Variants in NTM observed in about 807,000 individuals in gnomAD.
NTM encodes IgLON family member 2.
NTM carries 13 observed loss-of-function variants against 42.1 expected under a neutral mutation model. That is an observed-to-expected ratio of 0.31 (90% CI 0.20 to 0.49). The LOEUF (loss-of-function observed/expected upper bound fraction) is 0.49, where lower values mean the gene tolerates loss of function less well. NTM is among the 20% of genes least tolerant of loss of function. The pLI is 0.99. For synonymous variants in NTM, 187 were observed against 179.2 expected, an observed-to-expected ratio of 1.04 and a Z score of -0.35; for missense variants, 373 against 452.8, an observed-to-expected ratio of 0.82 and a Z score of 1.60.
At chr11:131,978,543 G>C (rs1304873531) in intron 2 of NTM, among the ~76,000 whole-genome samples, 1 of 152,046 alleles carries the variant, frequency 6.6e-6, no homozygotes, top group African/African-American at 2.4e-5. Context: ...TCCTATGACT[G>C]TTCCCGAGGC....
At chr11:131,671,227 G>C (rs1592466240) in intron 1 of NTM, among the ~76,000 whole-genome samples, 1 of 152,122 alleles carries the variant, frequency 6.6e-6, no homozygotes, top group South Asian at 2.1e-4. Flanking sequence ...TGCCAGGAGG[G>C]AGCCATTCCT....
At chr11:132,277,813 A>G (rs904263312) in intron 4 of NTM, among the ~76,000 whole-genome samples, 1 of 150,866 alleles carries the variant, frequency 6.6e-6, no homozygotes, top group Non-Finnish European at 1.5e-5. Context: ...TGCTATTTCT[A>G]TCATGCTAAA....
chr11:131,974,325 C>G (rs2063996695), intron 2 of NTM, among the ~76,000 whole-genome samples: 1 of 152,168 alleles, frequency 6.6e-6, no homozygotes, highest in African/African-American at 2.4e-5. Flanking sequence ...AAAATTGTGT[C>G]TGTGATAACT....
intron 2 of NTM, among the ~76,000 whole-genome samples, chr11:132,100,985 T>C (rs4288763): frequency 0.71 from 107,784 of 152,156 alleles, 38,931 homozygotes; most frequent in African/African-American, 0.78. Flanking sequence ...TAGCACTGAA[T>C]GCTCATTTGT....
chr11:131,618,686 G>A (rs978332571), intron 1 of NTM, among the ~76,000 whole-genome samples: 2 of 152,180 alleles, frequency 1.3e-5, no homozygotes, highest in Non-Finnish European at 2.9e-5. Context: ...AGTTACACAC[G>A]TTCTATAATT....
At chr11:131,959,841 C>T (rs1441257296) in intron 2 of NTM, among the ~76,000 whole-genome samples, 1 of 152,120 alleles carries the variant, frequency 6.6e-6, no homozygotes, top group African/African-American at 2.4e-5. Flanking sequence ...CCAGACCTAA[C>T]CAGATGAAGA....
chr11:132,005,488 T>A (rs1463889819), intron 2 of NTM, among the ~76,000 whole-genome samples: 1 of 152,138 alleles, frequency 6.6e-6, no homozygotes, highest in East Asian at 1.9e-4. Flanking sequence ...TGGTTTGGAA[T>A]AAATGATTGA....
At chr11:131,655,924 A>T (rs963249365) in intron 1 of NTM, among the ~76,000 whole-genome samples, 1 of 152,198 alleles carries the variant, frequency 6.6e-6, no homozygotes, top group African/African-American at 2.4e-5. Context: ...CACCTGCCCT[A>T]TCCCACCATT....
intron 1 of NTM, among the ~76,000 whole-genome samples, chr11:131,424,863 C>A (rs1249257768): frequency 2.7e-5 from 4 of 147,994 alleles, no homozygotes; most frequent in Non-Finnish European, 1.5e-5. Context: ...GCCACCACGC[C>A]CAGCTTTTTT....
intron 2 of NTM, among the ~76,000 whole-genome samples, chr11:132,095,666 A>T (rs2060889185): frequency 6.6e-6 from 1 of 152,182 alleles, no homozygotes; most frequent in Non-Finnish European, 1.5e-5. Context: ...TCCATCCCCC[A>T]GCCATCCTTG....
chr11:131,641,643 G>A (rs1205480957), intron 1 of NTM, among the ~76,000 whole-genome samples: 2 of 152,094 alleles, frequency 1.3e-5, no homozygotes, highest in Non-Finnish European at 2.9e-5. Context: ...GAAAAGACTA[G>A]ATAATTGGCA....
chr11:131,682,853 G>A (rs988168950), intron 1 of NTM, among the ~76,000 whole-genome samples: 4 of 150,012 alleles, frequency 2.7e-5, no homozygotes, highest in South Asian at 2.1e-4. Context: ...GGTGGCAGCC[G>A]CTGTTTCCTG....
intron 2 of NTM, among the ~76,000 whole-genome samples, chr11:132,038,969 A>G (rs888762920): frequency 1.3e-5 from 2 of 152,076 alleles, no homozygotes; most frequent in Non-Finnish European, 2.9e-5. Context: ...TACTCTCCCC[A>G]GGCTTATTCT....
intron 1 of NTM, among the ~76,000 whole-genome samples, chr11:131,558,288 C>T (rs1229654142): frequency 6.6e-6 from 1 of 152,158 alleles, no homozygotes; most frequent in African/African-American, 2.4e-5. Flanking sequence ...CAGCCCTCCT[C>T]ATACCTGACA....
At chr11:132,257,536 G>A (rs77246802) in intron 4 of NTM, among the ~76,000 whole-genome samples, 7,868 of 152,218 alleles carry the variant, frequency 0.052, 642 homozygotes, top group African/African-American at 0.17. Context: ...TCCTCACTCT[G>A]CCCTGCAGTG....
chr11:132,307,788 C>T lies in NTM; in HGVS notation c.626C>T (p.Ala209Val), dbSNP rs368362251. ...YECSASNDVA[A>V]PVVRRVKVTV... is the part of the protein sequence containing the mutation. ...TGCAGTGCCTCCAATGACGTGGCCG[C>T]GCCCGTGGTACGGAGAGTAAAGGTC... The change falls in exon 5 of 9, where the codon GCG becomes GTG. Residue 209 changes from alanine (A) to valine (V), a missense_variant. Physicochemically the swap from Ala to Val is moderately conservative, Grantham distance 64 (BLOSUM62 0). This residue lies in a region of NTM where 312 missense variants were observed against 353.5 expected (regional missense o/e 0.88). Coordinates refer to ENST00000683400, the MANE Select transcript of NTM (RefSeq NM_001352005.2). The T allele has an allele frequency of 5.6e-5, 90 of 1,614,202 alleles. No homozygotes were observed. The highest frequency in any genetic ancestry group is 1.8e-4 in the Admixed American group (11 of 60,024).
intron 5 of NTM, among the ~76,000 whole-genome samples, chr11:132,308,621 C>T (rs915093617): frequency 5.3e-5 from 8 of 152,022 alleles, no homozygotes; most frequent in African/African-American, 1.2e-4. Flanking sequence ...AATCGGCAAA[C>T]GAGATGACTT....
intron 1 of NTM, among the ~76,000 whole-genome samples, chr11:131,892,772 G>A (rs764801235): frequency 2.0e-4 from 31 of 152,212 alleles, no homozygotes; most frequent in South Asian, 2.1e-4. Context: ...AGGCCAGCCC[G>A]GCATCCCCAA....
intron 4 of NTM, among the ~76,000 whole-genome samples, chr11:132,281,542 A>G (rs1429960616): frequency 1.3e-5 from 2 of 152,214 alleles, no homozygotes; most frequent in Non-Finnish European, 2.9e-5. Flanking sequence ...CCACTGCCCA[A>G]TGACTGTGGG....
Sources: allele counts gnomAD v4.1 joint callset (sites outside exome capture counted in the v4.1 genomes callset), GRCh38; gene constraint gnomAD v4.1.1; regional missense constraint gnomAD v4.1.1; transcripts MANE v1.5; gene names NCBI Gene and HGNC (gene_info 2026-07-23, HGNC 2026-07-21).